The following SORCS3 variants were observed in gnomAD, a reference collection of about 807,000 sequenced individuals.
SORCS3 encodes VPS10 domain-containing receptor SorCS3.
A neutral mutation model predicts 146.3 loss-of-function variants in SORCS3; 57 were observed. That is an observed-to-expected ratio of 0.39 (90% confidence interval 0.31 to 0.49). SORCS3 has a LOEUF of 0.49. SORCS3 is among the 20% of genes least tolerant of loss of function. The pLI, the probability that SORCS3 is intolerant of heterozygous loss-of-function variation, is 0.92. For synonymous variants in SORCS3, 653 were observed against 618.5 expected (o/e 1.06, Z -0.83); for missense variants, 1,341 against 1,575.5 (o/e 0.85, Z 2.52).
At chr10:104,771,325 G>A (rs896793043) in intron 1 of SORCS3, among the ~76,000 whole-genome samples, 4 of 152,316 alleles carry the variant, frequency 2.6e-5, no homozygotes, top group Admixed American at 6.5e-5. Flanking sequence ...TGAATTCTGT[G>A]TGGATGTTGT....
chr10:105,056,493 G>A (rs2055446913), intron 5 of SORCS3, among the ~76,000 whole-genome samples: 1 of 152,252 alleles, frequency 6.6e-6, no homozygotes, highest in East Asian at 1.9e-4. Flanking sequence ...CCAGATAAGT[G>A]GTTTGGACTT....
intron 13 of SORCS3, among the ~76,000 whole-genome samples, chr10:105,171,886 T>G (rs1460170172): frequency 1.3e-5 from 2 of 152,170 alleles, no homozygotes; most frequent in African/African-American, 4.8e-5. Flanking sequence ...AAAGGTCTTA[T>G]AGAAGTCCTT....
intron 16 of SORCS3, among the ~76,000 whole-genome samples, chr10:105,205,728 CA>C (rs2056598628): frequency 1.3e-5 from 2 of 152,304 alleles, no homozygotes; most frequent in South Asian, 2.1e-4. Context: ...TCTCACTCGA[CA>C]AAAACTTTAC....
intron 20 of SORCS3, among the ~76,000 whole-genome samples, chr10:105,235,436 CTGTGTG>C (rs5787570): frequency 1.2e-3 from 171 of 141,280 alleles, no homozygotes; most frequent in Non-Finnish European, 1.4e-3. Context: ...AACTCTCAGA[CTGTGTG>C]TGTGTGTGTG....
intron 23 of SORCS3, among the ~76,000 whole-genome samples, chr10:105,255,105 G>A (rs973727730): frequency 1.3e-5 from 2 of 148,788 alleles, no homozygotes; most frequent in South Asian, 2.2e-4. Context: ...GGAGAATGGC[G>A]TGAACCCGGG....
intron 20 of SORCS3, among the ~76,000 whole-genome samples, chr10:105,224,077 A>C (rs1461914581): frequency 1.3e-5 from 2 of 152,216 alleles, no homozygotes; most frequent in African/African-American, 4.8e-5. Context: ...ATGAACTTAC[A>C]TTAATACATC....
At chr10:105,062,428 G>A (rs1456085747) in intron 5 of SORCS3, among the ~76,000 whole-genome samples, 1 of 152,182 alleles carries the variant, frequency 6.6e-6, no homozygotes, top group Non-Finnish European at 1.5e-5. Context: ...GAAAATAGTG[G>A]AGCTGGTTTG....
At position 104,810,202 on chromosome 10, in the gene SORCS3, A is replaced by G. The variant is rs541362600; in HGVS notation, c.628-32590A>G. ...CTATTTTTATAATAGTTTTTTTCTG[A>G]ATATAAAAGAAATAGGAGTATCTGT... On this transcript the variant is annotated intron_variant, in intron 1 of 26. Coordinates refer to ENST00000369701, the MANE Select transcript of SORCS3 (RefSeq NM_014978.3). 9.7e-4 allele frequency among the ~76,000 whole-genome samples: 148 copies of G among 152,338 alleles called. 1 individual carries two copies. The highest frequency in any genetic ancestry group is 3.2e-3 in the African/African-American group (134 of 41,578).
At chr10:104,683,050 G>T (rs2015998465) in intron 1 of SORCS3, among the ~76,000 whole-genome samples, 1 of 152,162 alleles carries the variant, frequency 6.6e-6, no homozygotes, top group Non-Finnish European at 1.5e-5. Flanking sequence ...GCATGCTTTG[G>T]CTCAGGGCCT....
chr10:104,730,300 A>G (rs2016691220), intron 1 of SORCS3, among the ~76,000 whole-genome samples: 1 of 152,192 alleles, frequency 6.6e-6, no homozygotes, highest in African/African-American at 2.4e-5. Flanking sequence ...CTCAAGGAAT[A>G]TGTGCCACAG....
chr10:104,868,180 C>G (rs934027589), intron 2 of SORCS3, among the ~76,000 whole-genome samples: 1 of 152,180 alleles, frequency 6.6e-6, no homozygotes, highest in African/African-American at 2.4e-5. Context: ...TGCTCTCTGA[C>G]TAAGGGATAA....
chr10:104,977,920 C>T (rs2054910537), intron 4 of SORCS3, among the ~76,000 whole-genome samples: 2 of 151,634 alleles, frequency 1.3e-5, no homozygotes, highest in Non-Finnish European at 2.9e-5. Flanking sequence ...TTAGTAGAGA[C>T]GGGGTTTCAC....
At chr10:104,791,790 C>T (rs531131861) in intron 1 of SORCS3, among the ~76,000 whole-genome samples, 1 of 152,262 alleles carries the variant, frequency 6.6e-6, no homozygotes, top group African/African-American at 2.4e-5. Flanking sequence ...GCCACAGGCA[C>T]ACAGAATCAT....
intron 5 of SORCS3, among the ~76,000 whole-genome samples, chr10:105,068,983 C>T (rs1227098513): frequency 1.3e-5 from 2 of 152,136 alleles, no homozygotes; most frequent in Non-Finnish European, 2.9e-5. Context: ...AATATGCTCA[C>T]CTGATTTTCT....
intron 5 of SORCS3, among the ~76,000 whole-genome samples, chr10:105,047,747 A>G (rs2055383872): frequency 6.6e-6 from 1 of 151,918 alleles, no homozygotes; most frequent in Admixed American, 6.6e-5. Context: ...TCTTTATTGT[A>G]CTTTGCTTAA....
At chr10:104,792,390 C>G (rs1266626163) in intron 1 of SORCS3, among the ~76,000 whole-genome samples, 2 of 152,208 alleles carry the variant, frequency 1.3e-5, no homozygotes. Flanking sequence ...CATTTACAGT[C>G]TCATTCTTCA....
chr10:105,121,602 T>A (rs550662721), intron 7 of SORCS3, among the ~76,000 whole-genome samples: 15 of 152,342 alleles, frequency 9.8e-5, no homozygotes, highest in Admixed American at 5.2e-4. Context: ...CCCATCTTGG[T>A]AGATGTTAGT....
chr10:105,155,864 TCTC>T (rs2056204313), intron 9 of SORCS3, among the ~76,000 whole-genome samples: 1 of 152,212 alleles, frequency 6.6e-6, no homozygotes, highest in African/African-American at 2.4e-5. Context: ...TTAATTCTAT[TCTC>T]CTCCTGAGAT....
At chr10:104,820,945 C>T (rs894162104) in intron 1 of SORCS3, among the ~76,000 whole-genome samples, 9 of 152,134 alleles carry the variant, frequency 5.9e-5, no homozygotes, top group African/African-American at 2.2e-4. Context: ...ATTTTAAGCA[C>T]AACAGGAACA....
Sources: gnomAD v4.1 joint callset for allele counts (sites outside exome capture counted in the v4.1 genomes callset) on GRCh38, gnomAD v4.1.1 for gene constraint, MANE v1.5 for transcripts, NCBI Gene and HGNC (gene_info 2026-07-23, HGNC 2026-07-21) for gene names.